The following TTC34 variants were observed in gnomAD, a reference collection of about 807,000 sequenced individuals.
TTC34 encodes tetratricopeptide repeat domain 34.
A neutral mutation model predicts 40.7 loss-of-function variants in TTC34; 44 were observed. That is an observed-to-expected ratio of 1.08 (90% CI 0.85 to 1.39). TTC34 has a LOEUF of 1.39. Among genes scored for constraint, TTC34 ranks in the 40% most tolerant of loss-of-function variants. The pLI, the probability that TTC34 is intolerant of heterozygous loss-of-function variation, is 0.00. For synonymous variants in TTC34, 422 were observed against 398.6 expected, an observed-to-expected ratio of 1.06 and a Z score of -0.70; for missense variants, 884 against 838.0, an observed-to-expected ratio of 1.05 and a Z score of -0.68.
At chr1:2,751,006 C>G (rs1311607923) in intron 6 of TTC34, among the ~76,000 whole-genome samples, 1 of 103,518 alleles carries the variant, frequency 9.7e-6, no homozygotes, top group Non-Finnish European at 1.9e-5. Context: ...AGCACCCACA[C>G]CGACAGGTGA....
intron 3 of TTC34, 80 bp from the exon 4 acceptor site, chr1:2,787,786 T>G: frequency 8.1e-7 from 1 of 1,232,652 alleles, no homozygotes; most frequent in Non-Finnish European, 1.1e-6. Flanking sequence ...AGTGGGGAAA[T>G]CCCGTCTCCA....
At chr1:2,760,157 C>A (rs1401566531) in intron 6 of TTC34, among the ~76,000 whole-genome samples, 1 of 119,628 alleles carries the variant, frequency 8.4e-6, no homozygotes, top group African/African-American at 3.9e-5. Context: ...GAGCAGCACC[C>A]ACACCCCCAG....
intron 6 of TTC34, among the ~76,000 whole-genome samples, chr1:2,685,935 T>A (rs1285407821): frequency 7.3e-6 from 1 of 136,838 alleles, no homozygotes; most frequent in South Asian, 2.4e-4. Flanking sequence ...GGTGAGCATG[T>A]GACAGCCGGG....
rs1289747995 is a variant in TTC34, at chr1:2,752,057, C to G, written c.2226+31552G>C. On this transcript the variant is annotated intron_variant, in intron 6 of 8. Transcript: ENST00000401095. ...GTGGAGCAGCACCGACACCCCCAGG[C>G]GAACATCTGAACGCACGGAGCAGCA... 1.6e-3 allele frequency among the ~76,000 whole-genome samples: 132 copies of G among 84,838 alleles called. 25 individuals are homozygous for G. In the Middle Eastern group the frequency reaches 0.028, roughly 18 times the overall value. The allele number at this position is 84,838 out of a possible 152,430, so 55.7% of individuals were successfully genotyped here.
intron 6 of TTC34, among the ~76,000 whole-genome samples, chr1:2,675,711 AGAGCACCCACAC>A (rs1639889607): frequency 1.3e-5 from 1 of 77,268 alleles, no homozygotes; most frequent in African/African-American, 4.5e-5. Context: ...ACAGCCTGGA[AGAGCACCCACAC>A]CCCCAGGCGA....
intron 6 of TTC34, among the ~76,000 whole-genome samples, chr1:2,651,890 G>A (rs1639145120): frequency 6.6e-6 from 1 of 152,010 alleles, no homozygotes; most frequent in African/African-American, 2.4e-5. Context: ...ACGATTTTGG[G>A]TGAGCAGCTG....
At chr1:2,753,309 T>A (rs1641388518) in intron 6 of TTC34, among the ~76,000 whole-genome samples, 4 of 120,872 alleles carry the variant, frequency 3.3e-5, no homozygotes, top group African/African-American at 1.1e-4. Flanking sequence ...CAGGTGAGCA[T>A]CCGACAGCCT....
intron 6 of TTC34, among the ~76,000 whole-genome samples, chr1:2,759,468 GCAC>G (rs1641619319): frequency 1.1e-5 from 1 of 87,284 alleles, no homozygotes. Flanking sequence ...GCCTGGAGCA[GCAC>G]CCCACACCCC....
chr1:2,789,363 A>T, intron 3 of TTC34, 140 bp downstream of exon 3: 1 of 785,276 alleles, frequency 1.3e-6, no homozygotes, highest in African/African-American at 1.8e-5. Context: ...GCGGAGCTAG[A>T]CCTGCCTCGG....
At chr1:2,778,538 T>C (rs1643394659) in intron 6 of TTC34, among the ~76,000 whole-genome samples, 1 of 152,208 alleles carries the variant, frequency 6.6e-6, no homozygotes, top group South Asian at 2.1e-4. Flanking sequence ...TTGTCTTAGC[T>C]GTTTATGGGC....
chr1:2,639,050 T>G (rs1638845792), exon 9 of TTC34: 5 of 152,224 alleles, frequency 3.3e-5, no homozygotes, highest in Admixed American at 3.3e-4. Flanking sequence ...TTGGGAGAAC[T>G]CTGGGGTCTC....
chr1:2,793,875 TCTC>T (rs1643687164), intron 2 of TTC34, among the ~76,000 whole-genome samples: 1 of 152,104 alleles, frequency 6.6e-6, no homozygotes, highest in Non-Finnish European at 1.5e-5. Context: ...ACCTCTTCCT[TCTC>T]CATCTTCTGC....
chr1:2,687,328 A>G lies in TTC34; in HGVS notation c.2227-41765T>C, dbSNP rs568861675. ...CATCGTGGAACAGCACCCCAAACCC[A>G]CAGGTGAGCATCCGACAGCCTGGAG... On this transcript the variant is annotated intron_variant, in intron 6 of 8. Coordinates refer to ENST00000401095, the Ensembl canonical transcript of TTC34. Among the ~76,000 whole-genome samples, 40 of 8,098 alleles carry G rather than the reference A, an allele frequency of 4.9e-3. No homozygotes were observed. In the South Asian group the frequency reaches 0.11, roughly 23 times the overall value. 5.3% of individuals were successfully genotyped at this position (8,098 alleles called of 152,430 possible). A position where few individuals can be genotyped will look rare whatever the true frequency, so the allele number is the denominator to read the frequency against.
intron 6 of TTC34, among the ~76,000 whole-genome samples, chr1:2,652,066 C>G (rs1252093454): frequency 2.8e-5 from 3 of 107,492 alleles, no homozygotes; most frequent in African/African-American, 6.8e-5. Flanking sequence ...ATCTGACAGC[C>G]TGGAGGAGCA....
chr1:2,792,329 A>G (rs935324893), intron 2 of TTC34, among the ~76,000 whole-genome samples: 2 of 152,028 alleles, frequency 1.3e-5, no homozygotes, highest in African/African-American at 2.4e-5. Flanking sequence ...CCATTTATCT[A>G]TGAAGATTCC....
At chr1:2,700,143 C>A (rs1237222968) in intron 6 of TTC34, among the ~76,000 whole-genome samples, 1 of 104,676 alleles carries the variant, frequency 9.6e-6, no homozygotes, top group Non-Finnish European at 2.2e-5. Context: ...CCCAGGTGAG[C>A]ATCGGACATC....
chr1:2,688,451 C>A (rs565506687), intron 6 of TTC34, among the ~76,000 whole-genome samples: 1 of 141,602 alleles, frequency 7.1e-6, no homozygotes, highest in African/African-American at 2.8e-5. Context: ...GACCCACACC[C>A]CTAGGTGAAC....
chr1:2,687,627 T>G (rs1180865243), intron 6 of TTC34, among the ~76,000 whole-genome samples: 141 of 103,662 alleles, frequency 1.4e-3, no homozygotes, highest in South Asian at 1.7e-3. Flanking sequence ...GCAGCTGATA[T>G]CCTGGAACAG....
At chr1:2,677,821 C>A (rs113505947) in intron 6 of TTC34, among the ~76,000 whole-genome samples, 9 of 17,196 alleles carry the variant, frequency 5.2e-4, no homozygotes, top group East Asian at 2.8e-3. Context: ...CACCCAGTTG[C>A]GCATCTGATG....
Sources: allele counts gnomAD v4.1 joint callset (sites outside exome capture counted in the v4.1 genomes callset), GRCh38; gene constraint gnomAD v4.1.1; transcripts MANE v1.5; gene names NCBI Gene and HGNC (gene_info 2026-07-23, HGNC 2026-07-21).